The following RSU1 variants were observed in gnomAD, a reference collection of about 807,000 sequenced individuals.
RSU1 encodes Ras suppressor protein 1.
RSU1 carries 26 observed loss-of-function variants against 31.1 expected under a neutral mutation model. That is an observed-to-expected ratio of 0.84 (90% CI 0.61 to 1.16). RSU1 has a LOEUF of 1.16. Among genes scored for constraint, RSU1 ranks in the 50% most tolerant of loss-of-function variants. RSU1 has a pLI of 0.00. For missense variants in RSU1, 320 were observed against 339.1 expected (o/e 0.94, Z 0.44); for synonymous variants, 164 against 136.3 (o/e 1.20, Z -1.41).
At chr10:16,608,041 C>G (rs1007340890) in intron 8 of RSU1, among the ~76,000 whole-genome samples, 2 of 152,190 alleles carry the variant, frequency 1.3e-5, no homozygotes, top group African/African-American at 4.8e-5. Flanking sequence ...TTGTTTCCCA[C>G]GCTAGTCTTG....
At chr10:16,787,820 G>A (rs1003735496) in intron 2 of RSU1, among the ~76,000 whole-genome samples, 1 of 152,138 alleles carries the variant, frequency 6.6e-6, no homozygotes, top group Non-Finnish European at 1.5e-5. Flanking sequence ...CACAGTCTTG[G>A]TATGTCTTTA....
At chr10:16,772,384 G>A (rs1023772436) in intron 3 of RSU1, among the ~76,000 whole-genome samples, 18 of 152,226 alleles carry the variant, frequency 1.2e-4, no homozygotes, top group Middle Eastern at 3.4e-3. Flanking sequence ...TCAGGAGGAC[G>A]TATGAACTCT....
At chr10:16,805,538 T>C (rs1286602543) in intron 2 of RSU1, among the ~76,000 whole-genome samples, 1 of 150,820 alleles carries the variant, frequency 6.6e-6, no homozygotes, top group Admixed American at 6.6e-5. Context: ...TAGCCAGGCG[T>C]TGTGGCGGGC....
chr10:16,676,460 A>G (rs138795289), intron 8 of RSU1, among the ~76,000 whole-genome samples: 1,745 of 152,256 alleles, frequency 0.011, 33 homozygotes, highest in African/African-American at 0.04. Flanking sequence ...TGATTCAATT[A>G]TCTCCCACTG....
At chr10:16,707,444 G>A (rs1320942228) in intron 7 of RSU1, among the ~76,000 whole-genome samples, 4 of 151,980 alleles carry the variant, frequency 2.6e-5, no homozygotes, top group South Asian at 2.1e-4. Context: ...GTATTTTATC[G>A]TGGTTCTGAT....
intron 3 of RSU1, among the ~76,000 whole-genome samples, chr10:16,776,292 TTTG>T (rs1277683224): frequency 6.6e-6 from 1 of 152,234 alleles, no homozygotes; most frequent in Non-Finnish European, 1.5e-5. Flanking sequence ...TGCTGCTTAA[TTTG>T]TTTATAATAT....
At chr10:16,672,404 A>C (rs1052261174) in intron 8 of RSU1, among the ~76,000 whole-genome samples, 1 of 152,170 alleles carries the variant, frequency 6.6e-6, no homozygotes, top group African/African-American at 2.4e-5. Context: ...TCAACAAAAG[A>C]CTTTTACACA....
chr10:16,627,425 T>A (rs1160661994), intron 8 of RSU1, among the ~76,000 whole-genome samples: 1 of 152,106 alleles, frequency 6.6e-6, no homozygotes, highest in Non-Finnish European at 1.5e-5. Context: ...ATCTGAGAGG[T>A]TGCAGAATCT....
At chr10:16,684,260 C>T (rs753506201) in intron 8 of RSU1, among the ~76,000 whole-genome samples, 6 of 152,050 alleles carry the variant, frequency 3.9e-5, no homozygotes, top group Non-Finnish European at 7.4e-5. Flanking sequence ...TCTTCTTTGT[C>T]ACATAATGTT....
chr10:16,779,776 A>G (rs1209804307), intron 3 of RSU1, among the ~76,000 whole-genome samples: 6 of 152,174 alleles, frequency 3.9e-5, no homozygotes, highest in Non-Finnish European at 4.4e-5. Flanking sequence ...ATGCATATTT[A>G]TATTTCCATC....
chr10:16,752,424 GT>G (rs1409212973), intron 7 of RSU1, 114 bp downstream of exon 7: 1 of 741,602 alleles, frequency 1.3e-6, no homozygotes, highest in Non-Finnish European at 2.3e-6. Flanking sequence ...TCAGCATCGT[GT>G]GCCTAGGTGG....
intron 8 of RSU1, among the ~76,000 whole-genome samples, chr10:16,613,963 G>A (rs1021659424): frequency 2.6e-5 from 4 of 152,140 alleles, no homozygotes; most frequent in African/African-American, 9.7e-5. Flanking sequence ...GAGGTTACAA[G>A]GCAAAACTAC....
At chr10:16,696,172 T>A (rs1393472319) in intron 7 of RSU1, among the ~76,000 whole-genome samples, 1 of 152,212 alleles carries the variant, frequency 6.6e-6, no homozygotes, top group Non-Finnish European at 1.5e-5. Context: ...ACACTTCTCA[T>A]CCATGGCCTG....
chr10:16,787,688 GCT>G (rs1196723379), intron 2 of RSU1, among the ~76,000 whole-genome samples: 1 of 152,152 alleles, frequency 6.6e-6, no homozygotes, highest in Non-Finnish European at 1.5e-5. Flanking sequence ...CCCTGCACAC[GCT>G]CTCTTACCTG....
chr10:16,798,990 G>A (rs202067090), intron 2 of RSU1, among the ~76,000 whole-genome samples: 1 of 152,078 alleles, frequency 6.6e-6, no homozygotes, highest in East Asian at 1.9e-4. Context: ...GCCTTTCTGA[G>A]GAATATTCCA....
chr10:16,783,621 TA>T (rs1461062581), intron 2 of RSU1, among the ~76,000 whole-genome samples: 1 of 152,092 alleles, frequency 6.6e-6, no homozygotes, highest in Non-Finnish European at 1.5e-5. Context: ...CCCAAAGTGC[TA>T]GGATTACAGG....
intron 3 of RSU1, among the ~76,000 whole-genome samples, chr10:16,768,363 G>C (rs1056373501): frequency 6.6e-6 from 1 of 152,192 alleles, no homozygotes; most frequent in East Asian, 1.9e-4. Flanking sequence ...AACAAATGGG[G>C]CTCTCAATTA....
chr10:16,669,381 C>CT lies in RSU1; in HGVS notation c.731+25641_731+25642insA, dbSNP rs1835063351. Among the ~76,000 whole-genome samples the CT allele has an allele frequency of 3.9e-5, 6 of 151,904 alleles. No homozygotes were observed. The South Asian group carries it at 1.3e-3, about 32-fold the overall frequency. ...ACATTTTCTGTTTTTTTTCCCCCCC[C>CT]AAAGCACCATACTGCTTTTTAACCA... On this transcript the variant is annotated intron_variant, in intron 8 of 8. Coordinates refer to ENST00000345264, the MANE Select transcript of RSU1 (RefSeq NM_012425.4).
At chr10:16,721,292 C>G (rs77126667) in intron 7 of RSU1, 5 of 152,248 alleles carry the variant, frequency 3.3e-5, no homozygotes, top group African/African-American at 1.2e-4. Context: ...TCTCTGGAGG[C>G]GGAAAGCAAA....
Sources: gnomAD v4.1 joint callset for allele counts (sites outside exome capture counted in the v4.1 genomes callset) on GRCh38, gnomAD v4.1.1 for gene constraint, MANE v1.5 for transcripts, NCBI Gene and HGNC (gene_info 2026-07-23, HGNC 2026-07-21) for gene names.